The following HS2ST1 variants were observed in gnomAD, a reference collection of about 807,000 sequenced individuals.
The protein encoded by HS2ST1 is heparan sulfate 2-O-sulfotransferase 1, also known as 2-O-sulfotransferase.
HS2ST1 carries 18 observed loss-of-function variants against 42.9 expected under a neutral mutation model. The observed-to-expected ratio is 0.42, with a 90% CI of 0.29 to 0.62. The LOEUF (loss-of-function observed/expected upper bound fraction) is 0.62. HS2ST1 is among the 20% of genes least tolerant of loss of function. The pLI is 0.21. For missense variants in HS2ST1, 334 were observed against 433.8 expected (o/e 0.77, Z 2.04); for synonymous variants, 146 against 152.9 (o/e 0.95, Z 0.33).
chr1:86,915,230 T>C (rs1380405483), intron 1 of HS2ST1, 70 bp downstream of exon 1: 2 of 1,533,886 alleles, frequency 1.3e-6, no homozygotes, highest in African/African-American at 1.4e-5. Flanking sequence ...CCGGAGCAAG[T>C]GGGCGTTCAT....
At chr1:87,041,255 GTGT>G (rs1425920115) in intron 1 of HS2ST1, among the ~76,000 whole-genome samples, 3 of 136,672 alleles carry the variant, frequency 2.2e-5, no homozygotes, top group Non-Finnish European at 4.8e-5. Flanking sequence ...AAAAAAAAAA[GTGT>G]GCACCTGTAC....
chr1:86,976,683 C>A, intron 1 of HS2ST1, among the ~76,000 whole-genome samples: 1 of 51,616 alleles, frequency 1.9e-5, no homozygotes, highest in African/African-American at 4.6e-5. Context: ...CTTTGTAAAT[C>A]CATCTTTTCT....
At chr1:87,044,051 A>AC (rs1215512456) in intron 1 of HS2ST1, among the ~76,000 whole-genome samples, 1 of 152,098 alleles carries the variant, frequency 6.6e-6, no homozygotes, top group Non-Finnish European at 1.5e-5. Flanking sequence ...AGGCCAAGAC[A>AC]CTGGGGAGGA....
intron 1 of HS2ST1, among the ~76,000 whole-genome samples, chr1:87,043,304 A>C (rs1169772019): frequency 2.0e-5 from 3 of 152,126 alleles, no homozygotes; most frequent in Non-Finnish European, 4.4e-5. Context: ...ATAATAAATT[A>C]TGTAAGTTTA....
At chr1:86,962,728 T>C (rs1647884038) in intron 1 of HS2ST1, among the ~76,000 whole-genome samples, 2 of 152,188 alleles carry the variant, frequency 1.3e-5, no homozygotes, top group Admixed American at 1.3e-4. Context: ...CTAATGATCA[T>C]TGAAAAGAGA....
chr1:86,916,626 A>C (rs1035827492), intron 1 of HS2ST1, among the ~76,000 whole-genome samples: 2 of 152,158 alleles, frequency 1.3e-5, no homozygotes, highest in Admixed American at 6.5e-5. Context: ...CTTTATTAAT[A>C]TGTATCTTGT....
intron 1 of HS2ST1, among the ~76,000 whole-genome samples, chr1:87,028,913 A>G (rs902508944): frequency 2.0e-5 from 3 of 152,220 alleles, no homozygotes; most frequent in Admixed American, 6.5e-5. Flanking sequence ...ATCAGAGCCT[A>G]CTTTATACAA....
At chr1:86,995,368 A>T (rs1009220204) in intron 1 of HS2ST1, among the ~76,000 whole-genome samples, 9 of 152,234 alleles carry the variant, frequency 5.9e-5, no homozygotes, top group African/African-American at 2.2e-4. Flanking sequence ...ATTTACCAGG[A>T]TTTGATCTGG....
chr1:87,036,779 G>A (rs1479130470), intron 1 of HS2ST1, among the ~76,000 whole-genome samples: 1 of 152,116 alleles, frequency 6.6e-6, no homozygotes, highest in Non-Finnish European at 1.5e-5. Flanking sequence ...GTTCTCATTT[G>A]CTGAATGAAT....
chr1:86,978,554 C>G (rs922680582), intron 1 of HS2ST1, among the ~76,000 whole-genome samples: 5 of 152,118 alleles, frequency 3.3e-5, no homozygotes, highest in African/African-American at 1.2e-4. Context: ...ATTAGACTCT[C>G]TGTATTTGAA....
intron 1 of HS2ST1, among the ~76,000 whole-genome samples, chr1:86,988,710 C>A (rs1482026323): frequency 6.6e-6 from 1 of 152,230 alleles, no homozygotes; most frequent in Non-Finnish European, 1.5e-5. Context: ...ATTACAGTCA[C>A]TGCACTGGCC....
intron 1 of HS2ST1, among the ~76,000 whole-genome samples, chr1:86,931,415 A>G (rs1660537121): frequency 6.6e-6 from 1 of 152,064 alleles, no homozygotes; most frequent in African/African-American, 2.4e-5. Flanking sequence ...GTGAGGTATT[A>G]AAGTACCAAA....
intron 1 of HS2ST1, among the ~76,000 whole-genome samples, chr1:86,944,557 G>A (rs1647271521): frequency 6.6e-6 from 1 of 152,060 alleles, no homozygotes; most frequent in Admixed American, 6.6e-5. Context: ...GTTTCACCAT[G>A]TTGACCAGGC....
At chr1:87,022,717 A>G (rs1244848350) in intron 1 of HS2ST1, among the ~76,000 whole-genome samples, 1 of 152,216 alleles carries the variant, frequency 6.6e-6, no homozygotes, top group Admixed American at 6.5e-5. Flanking sequence ...TTTCATAGTT[A>G]TGGGAAAACA....
intron 1 of HS2ST1, among the ~76,000 whole-genome samples, chr1:86,930,177 A>G (rs1414028599): frequency 6.6e-6 from 1 of 151,842 alleles, no homozygotes; most frequent in African/African-American, 2.4e-5. Context: ...GTTGAATTTA[A>G]CATGTAGCTG....
At chr1:87,080,856 G>T (rs1488508224) in intron 2 of HS2ST1, among the ~76,000 whole-genome samples, 1 of 152,158 alleles carries the variant, frequency 6.6e-6, no homozygotes, top group Non-Finnish European at 1.5e-5. Context: ...AGCTCAGCTG[G>T]TGCCCACAGA....
chr1:86,982,746 C>A (rs183757566), intron 1 of HS2ST1, among the ~76,000 whole-genome samples: 1 of 152,112 alleles, frequency 6.6e-6, no homozygotes, highest in Non-Finnish European at 1.5e-5. Context: ...AATCTCCTGA[C>A]CTCGTGATCC....
chr1:87,030,143 C>G (rs920004419), intron 1 of HS2ST1, among the ~76,000 whole-genome samples: 1 of 152,162 alleles, frequency 6.6e-6, no homozygotes. Context: ...ATTCTTGTTA[C>G]TGACCAGGAT....
rs986481394 is a variant in HS2ST1, at chr1:87,107,388, A to G, written c.*2692A>G. The G allele has an allele frequency of 2.0e-5, 3 of 152,084 alleles. No homozygotes were observed. The highest frequency in any genetic ancestry group is 4.8e-5 in the African/African-American group (2 of 41,536). 9.4% of individuals were successfully genotyped at this position (152,084 alleles called of 1,614,324 possible). The stretch of plus-strand genomic sequence containing the variant: ...GGTGGGTTAGGAGTATCCTTTCTGG[A>G]GACTGAGAAAGGGGTGTATTTAATT... On this transcript the variant is annotated 3_prime_UTR_variant, in exon 7 of 7. Transcript: ENST00000370550.
Sources: allele counts gnomAD v4.1 joint callset (sites outside exome capture counted in the v4.1 genomes callset), GRCh38; gene constraint gnomAD v4.1.1; transcripts MANE v1.5; gene names NCBI Gene and HGNC (gene_info 2026-07-23, HGNC 2026-07-21).